The following F13B variants were observed in gnomAD, a reference collection of about 807,000 sequenced individuals.
F13B encodes the protein TGase.
F13B carries 58 observed loss-of-function variants against 79.8 expected under a neutral mutation model. The ratio of observed to expected loss-of-function variants is 0.73; its 90% CI spans 0.59 to 0.90. The LOEUF (loss-of-function observed/expected upper bound fraction) is 0.90. F13B is among the 40% of genes least tolerant of loss of function. F13B has a pLI of 0.00. For missense variants in F13B, 773 were observed against 777.0 expected (o/e 0.99, Z 0.06); for synonymous variants, 283 against 260.3 (o/e 1.09, Z -0.84).
chr1:197,049,480 A>G (rs999985192), intron 10 of F13B, among the ~76,000 whole-genome samples: 1 of 151,920 alleles, frequency 6.6e-6, no homozygotes, highest in Non-Finnish European at 1.5e-5. Flanking sequence ...AGATTTGACA[A>G]TGTAGTTGTA....
Position 197,055,820 on chromosome 1 carries a change from T to C in F13B, c.1249A>G (p.Thr417Ala), listed in dbSNP as rs1312374834. The C allele has an allele frequency of 6.2e-7, 1 of 1,613,648 alleles. No individual in the cohort carries two copies. The highest frequency in any genetic ancestry group is 1.7e-5 in the Admixed American group (1 of 59,892). ...CATCTATATTCCACTGAGGATCCTG[T>C]TGCATAGCTTGCCAATATCCCGTCT... ...VADGILASYA[T>A]GSSVEYRCNE... Residue 417 changes from threonine to alanine, a missense_variant, in exon 8 of 12, where the codon ACA becomes GCA. By Grantham distance (58) the Thr-to-Ala change is moderately conservative. Coordinates refer to ENST00000367412, the MANE Select transcript of F13B (RefSeq NM_001994.3).
intron 10 of F13B, among the ~76,000 whole-genome samples, chr1:197,050,418 G>C (rs1264338622): frequency 1.3e-5 from 2 of 152,020 alleles, no homozygotes; most frequent in Non-Finnish European, 2.9e-5. Flanking sequence ...AATGATAATT[G>C]TTAAAGTTTA....
rs752638957 is a variant in F13B, at chr1:197,062,990, G to C, written c.132C>G (p.Ser44Arg). The C allele has an allele frequency of 2.2e-5, 35 of 1,613,488 alleles. No homozygotes were observed. The highest frequency in any genetic ancestry group is 3.0e-5 in the Non-Finnish European group (35 of 1,179,720). The change falls in exon 2 of 12, where the codon AGC becomes AGG. Residue 44 changes from serine (S) to arginine (R), a missense_variant. Coordinates refer to ENST00000367412, the MANE Select transcript of F13B (RefSeq NM_001994.3). ...TGTCTATGCTCATTGGAAAGTAAAA[G>C]CTTTTAAAAGTATAGTAATATTGGG... ...RIAQYYYTFKSFYFPMSIDKK... is the reference protein window; with the variant it reads ...RIAQYYYTFKRFYFPMSIDKK...
In F13B at chr1:197,057,009, A is replaced by G; in HGVS notation, c.1171+4T>C. 6.2e-7 allele frequency: 1 copy of G among 1,613,230 alleles called. No homozygotes were observed. The highest frequency in any genetic ancestry group is 8.5e-7 in the Non-Finnish European group (1 of 1,179,692). On this transcript the variant is annotated splice_donor_region_variant and intron_variant, in intron 7 of 11. Transcript: ENST00000367412. Reference sequence around the variant, plus strand: ...GCTACTGATGGTAAATGTAGCATACATACCAACACACTCAGGAGGAAGTGT... The same window carrying G: ...GCTACTGATGGTAAATGTAGCATACGTACCAACACACTCAGGAGGAAGTGT...
At chr1:197,061,472 T>C (rs1341769501) in intron 3 of F13B, among the ~76,000 whole-genome samples, 1 of 152,144 alleles carries the variant, frequency 6.6e-6, no homozygotes, top group East Asian at 1.9e-4. Context: ...ATAATGTACA[T>C]GATCTTAAAT....
intron 8 of F13B, 87 bp from the exon 9 acceptor site, chr1:197,052,921 T>C: frequency 1.0e-6 from 1 of 968,768 alleles, no homozygotes; most frequent in Non-Finnish European, 1.6e-6. Flanking sequence ...ATGACAAGTT[T>C]CAAAAGCAAT....
At chr1:197,046,775 C>T (rs1215638151) in intron 10 of F13B, among the ~76,000 whole-genome samples, 1 of 152,082 alleles carries the variant, frequency 6.6e-6, no homozygotes, top group Non-Finnish European at 1.5e-5. Context: ...TACAAGGCTA[C>T]AGTAACCAAA....
chr1:197,050,573 C>G, intron 10 of F13B, 124 bp downstream of exon 10: 2 of 825,752 alleles, frequency 2.4e-6, no homozygotes, highest in Non-Finnish European at 3.9e-6. Context: ...AAAATAAGCA[C>G]ATGAATAAAA....
intron 5 of F13B, among the ~76,000 whole-genome samples, chr1:197,058,702 T>G (rs954365058): frequency 1.3e-5 from 2 of 152,142 alleles, no homozygotes; most frequent in Non-Finnish European, 2.9e-5. Context: ...TACCTTAAGA[T>G]TGTTAACCTC....
At chr1:197,066,448 A>G (rs1656051808) in intron 1 of F13B, among the ~76,000 whole-genome samples, 1 of 152,148 alleles carries the variant, frequency 6.6e-6, no homozygotes, top group South Asian at 2.1e-4. Context: ...CAACATACCC[A>G]TGTACACTGC....
chr1:197,062,940 G>C lies in F13B; in HGVS notation c.182C>G (p.Ala61Gly), dbSNP rs1447128343. 1.2e-6 allele frequency: 2 copies of C among 1,613,718 alleles called. No individual in the cohort carries two copies. Among genetic ancestry groups the C allele is most frequent in the African/African-American group, 1.3e-5 (1 of 74,902 alleles). Residue 61 changes from alanine (A) to glycine (G), a missense_variant, in exon 2 of 12, where the codon GCT becomes GGT. Ala to Gly is a moderately conservative substitution (Grantham distance 60). Coordinates refer to ENST00000367412, the MANE Select transcript of F13B (RefSeq NM_001994.3). ...TCTTCCACTTTCAGTGGTATAACCAGCCAAGCAGAAAAATGACAATTTTTT... is the reference window on the plus strand; with the variant it reads ...TCTTCCACTTTCAGTGGTATAACCACCCAAGCAGAAAAATGACAATTTTTT... The part of the protein sequence containing the change: ...IDKKLSFFCL[A>G]GYTTESGRQE...
At chr1:197,042,677 G>A (rs1362988703) in intron 10 of F13B, among the ~76,000 whole-genome samples, 6 of 133,138 alleles carry the variant, frequency 4.5e-5, no homozygotes, top group African/African-American at 1.3e-4. Flanking sequence ...AAAAATAGCC[G>A]GGCATGGTGG....
At chr1:197,065,548 AT>A (rs1190341634) in intron 1 of F13B, among the ~76,000 whole-genome samples, 1 of 152,188 alleles carries the variant, frequency 6.6e-6, no homozygotes, top group African/African-American at 2.4e-5. Flanking sequence ...GTTGGTGAGA[AT>A]GATGAGGAGC....
Position 197,061,984 on chromosome 1 carries a change from A to T in F13B, c.266-15T>A. 2 of 1,598,128 alleles carry T rather than the reference A, an allele frequency of 1.3e-6. No homozygotes were observed. Among genetic ancestry groups the T allele is most frequent in the African/African-American group, 2.7e-5 (2 of 74,744 alleles). ...AGTGCATTTTTCTATGGGAAAAAAA[A>T]TTATTTAACTTAATGATGAAACTAA... On this transcript the variant is annotated splice_polypyrimidine_tract_variant and intron_variant, in intron 2 of 11. Coordinates refer to ENST00000367412, the MANE Select transcript of F13B (RefSeq NM_001994.3).
At position 197,040,507 on chromosome 1, in the gene F13B, A is replaced by C. The variant is rs1401482743; in HGVS notation, c.1952+15T>G. 1.2e-6 allele frequency: 2 copies of C among 1,602,488 alleles called. No individual in the cohort carries two copies. The highest frequency in any genetic ancestry group is 1.7e-6 in the Non-Finnish European group (2 of 1,171,806). ...CCAAAAAAAATAATCTGACCAAAAA[A>C]AAAAAACTTCTTACCTTTGTCTTGG... On this transcript the variant is annotated intron_variant, in intron 11 of 11. Transcript: ENST00000367412.
At chr1:197,062,577 A>T (rs1655902905) in intron 2 of F13B, among the ~76,000 whole-genome samples, 1 of 152,130 alleles carries the variant, frequency 6.6e-6, no homozygotes, top group Admixed American at 6.6e-5. Context: ...CTTAAAGTAA[A>T]TTACCTCTCT....
intron 11 of F13B, 152 bp downstream of exon 11, chr1:197,040,366 GTTGT>G (rs1654990506): frequency 1.7e-6 from 1 of 605,602 alleles, no homozygotes; most frequent in East Asian, 2.8e-5. Flanking sequence ...ACCACTTCCA[GTTGT>G]TTGTTTGGTG....
At chr1:197,061,543 TC>T (rs1348480233) in intron 3 of F13B, among the ~76,000 whole-genome samples, 9 of 152,120 alleles carry the variant, frequency 5.9e-5, no homozygotes, top group Non-Finnish European at 1.0e-4. Context: ...TTTATTCCAT[TC>T]CAATTCCTTT....
At chr1:197,044,523 C>T (rs374983659) in intron 10 of F13B, among the ~76,000 whole-genome samples, 1 of 152,012 alleles carries the variant, frequency 6.6e-6, no homozygotes, top group Admixed American at 6.6e-5. Context: ...CCTTAGAGAC[C>T]TGCAAAGAGA....
Sources: allele counts gnomAD v4.1 joint callset (sites outside exome capture counted in the v4.1 genomes callset), GRCh38; gene constraint gnomAD v4.1.1; transcripts MANE v1.5; gene names NCBI Gene and HGNC (gene_info 2026-07-23, HGNC 2026-07-21).